Variants in STPG1 observed in about 807,000 individuals in gnomAD.
STPG1 encodes sperm tail PG-rich repeat containing 1, also known as O(6)-methylguanine-induced apoptosis 2.
STPG1 carries 33 observed loss-of-function variants against 40.1 expected under a neutral mutation model. The ratio of observed to expected loss-of-function variants is 0.82; its 90% CI spans 0.62 to 1.10. The LOEUF is 1.10. Among genes scored for constraint, STPG1 ranks in the 50% least tolerant of loss-of-function variants. STPG1 has a pLI of 0.00. For synonymous variants in STPG1, 150 were observed against 155.0 expected (o/e 0.97, Z 0.24); for missense variants, 396 against 415.1 (o/e 0.95, Z 0.40).
intron 4 of STPG1, among the ~76,000 whole-genome samples, chr1:24,380,121 C>T (rs1252961029): frequency 6.6e-6 from 1 of 152,188 alleles, no homozygotes; most frequent in African/African-American, 2.4e-5. Context: ...AGGCCACTTA[C>T]CCTTGACTCA....
intron 7 of STPG1, among the ~76,000 whole-genome samples, chr1:24,364,933 C>T (rs989782298): frequency 1.3e-5 from 2 of 152,218 alleles, no homozygotes; most frequent in African/African-American, 2.4e-5. Context: ...GAGGACTCAG[C>T]AGGCCACTTG....
intron 7 of STPG1, among the ~76,000 whole-genome samples, chr1:24,366,927 G>C (rs1219520860): frequency 3.9e-5 from 6 of 152,188 alleles, no homozygotes; most frequent in African/African-American, 1.4e-4. Flanking sequence ...AGATGCCTGT[G>C]CAGACTGCGA....
chr1:24,395,496 T>G (rs1642959661), intron 2 of STPG1, among the ~76,000 whole-genome samples: 1 of 150,234 alleles, frequency 6.7e-6, no homozygotes, highest in East Asian at 2.0e-4. Flanking sequence ...GCAATGGCGC[T>G]ATCTCGGCTC....
chr1:24,362,861 A>C (rs2148678114), intron 7 of STPG1, among the ~76,000 whole-genome samples: 1 of 152,248 alleles, frequency 6.6e-6, no homozygotes, highest in Non-Finnish European at 1.5e-5. Flanking sequence ...GAAAGGGGGG[A>C]CATGCTGCCT....
intron 7 of STPG1, among the ~76,000 whole-genome samples, chr1:24,363,201 G>A (rs1310400535): frequency 1.3e-5 from 2 of 152,190 alleles, no homozygotes; most frequent in East Asian, 1.9e-4. Context: ...GCTGGAGCAC[G>A]CTGAGTTAAT....
chr1:24,386,092 C>T (rs1642492028), intron 3 of STPG1, among the ~76,000 whole-genome samples: 1 of 152,216 alleles, frequency 6.6e-6, no homozygotes, highest in Non-Finnish European at 1.5e-5. Context: ...TAAATGCCGG[C>T]TCCATCCTAC....
Position 24,360,891 on chromosome 1 carries a change from C to T in STPG1, c.888G>A (p.Arg296=). ...SSASFVSNTS[R]WTAAPPQPGL... is the part of the protein sequence containing the mutation. ...CTGGCTGAGGCGGCGCCGCTGTCCA[C>T]CGGCTGGTATTGGACACGAATGATG... Residue 296 remains arginine (R), a synonymous_variant, in exon 8 of 9, where the codon CGG becomes CGA. Coordinates refer to ENST00000337248, the MANE Select transcript of STPG1 (RefSeq NM_001199013.2). 1.2e-6 allele frequency: 2 copies of T among 1,613,512 alleles called. No individual in the cohort carries two copies. The highest frequency in any genetic ancestry group is 1.7e-6 in the Non-Finnish European group (2 of 1,179,770).
rs1640800678 is a variant in STPG1 at position 24,357,449 on chromosome 1, C to T, written c.*1094G>A. 1 of 152,652 alleles carries T rather than the reference C, an allele frequency of 6.6e-6. No individual in the cohort carries two copies. The highest frequency in any genetic ancestry group is 1.5e-5 in the Non-Finnish European group (1 of 68,378). The allele number at this position is 152,652 out of a possible 1,614,324, so 9.5% of individuals were successfully genotyped here. ...ATCACCTGGGTGGCTCCTGCCTCCC[C>T]ACTGCCCAGACCCCACCCTGGAGGA... On this transcript the variant is annotated 3_prime_UTR_variant, in exon 9 of 9. Transcript: ENST00000337248.
rs139654825 is a variant in STPG1, at chr1:24,359,001, C to T, written c.929-382G>A. Among the ~76,000 whole-genome samples the T allele has an allele frequency of 1.3e-5, 2 of 152,258 alleles. No individual in the cohort carries two copies. The highest frequency in any genetic ancestry group is 3.9e-4 in the East Asian group (2 of 5,176). On this transcript the variant is annotated intron_variant, in intron 8 of 8. Coordinates refer to ENST00000337248, the MANE Select transcript of STPG1 (RefSeq NM_001199013.2). This position sits in a 1 kb window ranked among gnomAD's most constrained non-coding sequence, Gnocchi z 5.3. Reference sequence around the variant, plus strand: ...ATAAAAGCAGAAGCCATGACAATTGCGGACATGGTTCTATAGGAGATGAGC... The same window carrying T: ...ATAAAAGCAGAAGCCATGACAATTGTGGACATGGTTCTATAGGAGATGAGC...
intron 7 of STPG1, chr1:24,369,072 G>A (rs1641603709): frequency 4.0e-6 from 1 of 249,940 alleles, no homozygotes; most frequent in Admixed American, 5.2e-5. Context: ...TTACAGATGA[G>A]GGCATGGAGG....
intron 3 of STPG1, among the ~76,000 whole-genome samples, chr1:24,387,750 G>A (rs1415027958): frequency 6.6e-6 from 1 of 152,156 alleles, no homozygotes; most frequent in African/African-American, 2.4e-5. Flanking sequence ...AGACCCCTTA[G>A]GAAGGGGTAC....
chr1:24,406,639 G>C (rs561870102), intron 1 of STPG1, among the ~76,000 whole-genome samples: 1 of 152,020 alleles, frequency 6.6e-6, no homozygotes, highest in African/African-American at 2.4e-5. Context: ...ACTGAGTATA[G>C]AATTATGGGT....
At chr1:24,407,168 C>T (rs1302972875) in intron 1 of STPG1, among the ~76,000 whole-genome samples, 1 of 152,036 alleles carries the variant, frequency 6.6e-6, no homozygotes, top group East Asian at 1.9e-4. Flanking sequence ...TTTCATGGTA[C>T]CTTGGCATAA....
intron 2 of STPG1, among the ~76,000 whole-genome samples, chr1:24,397,013 A>G (rs1222709180): frequency 6.6e-6 from 1 of 152,216 alleles, no homozygotes. Context: ...TGCTAACACT[A>G]ATCAAAAGAT....
intron 7 of STPG1, 24 bp from the exon 8 acceptor site, chr1:24,361,065 G>T (rs1335170711): frequency 2.5e-6 from 4 of 1,589,200 alleles, no homozygotes; most frequent in Non-Finnish European, 3.4e-6. Context: ...AAAACGGGAA[G>T]ATGTCACTAA....
intron 8 of STPG1, among the ~76,000 whole-genome samples, chr1:24,358,925 G>T (rs1015542060): frequency 6.6e-6 from 1 of 152,228 alleles, no homozygotes; most frequent in African/African-American, 2.4e-5. Flanking sequence ...TCTTAAAGAA[G>T]CAAGGTGTTA....
At chr1:24,370,171 T>G (rs1187668448) in intron 6 of STPG1, among the ~76,000 whole-genome samples, 1 of 152,200 alleles carries the variant, frequency 6.6e-6, no homozygotes, top group East Asian at 1.9e-4. Context: ...GACAAATCTC[T>G]CCACCTTGCT....
intron 4 of STPG1, among the ~76,000 whole-genome samples, chr1:24,383,439 C>T (rs189993031): frequency 3.0e-4 from 45 of 152,256 alleles, no homozygotes; most frequent in Admixed American, 2.0e-3. Flanking sequence ...CCATATCTTA[C>T]GAAGAGAAGG....
intron 5 of STPG1, among the ~76,000 whole-genome samples, chr1:24,378,236 A>G (rs1642119464): frequency 6.6e-6 from 1 of 152,222 alleles, no homozygotes; most frequent in Non-Finnish European, 1.5e-5. Flanking sequence ...CATAACTTTT[A>G]TATTGATTAG....
Sources: gnomAD v4.1 joint callset for allele counts (sites outside exome capture counted in the v4.1 genomes callset) on GRCh38, gnomAD v4.1.1 for gene constraint, Gnocchi (gnomAD v3.1) non-coding constraint, MANE v1.5 for transcripts, NCBI Gene and HGNC (gene_info 2026-07-23, HGNC 2026-07-21) for gene names.